ROBO2: variants seen among roughly 807,000 people sequenced by gnomAD.
ROBO2 encodes roundabout guidance receptor 2, also known as roundabout homolog 2.
ROBO2 carries 53 observed loss-of-function variants against 160.8 expected under a neutral mutation model. The observed-to-expected ratio is 0.33, with a 90% CI of 0.26 to 0.41. The LOEUF (loss-of-function observed/expected upper bound fraction) is 0.41. Ranked by LOEUF, ROBO2 falls within the 10% of genes least tolerant of loss-of-function variation. The pLI is 1.00. For synonymous variants in ROBO2, 664 were observed against 611.7 expected (o/e 1.09, Z -1.26); for missense variants, 1,577 against 1,722.4 (o/e 0.92, Z 1.49).
rs1353445298 is a variant in ROBO2, at chr3:76,665,883, T to TAC, written c.110-432130_110-432129insCA. On this transcript the variant is annotated intron_variant, in intron 2 of 26. Transcript: ENST00000487694. The stretch of plus-strand genomic sequence containing the variant: ...CGTGTATGTATATACGTATTATATA[T>TAC]ATAATATATACATATTATATATAAT... Among the ~76,000 whole-genome samples, 41 of 133,368 alleles carry TAC rather than the reference T, an allele frequency of 3.1e-4. 1 individual carries two copies. Among genetic ancestry groups the TAC allele is most frequent in the African/African-American group, 1.0e-3 (39 of 37,664 alleles). 87.5% of individuals were successfully genotyped at this position (133,368 alleles called of 152,430 possible).
At chr3:76,679,048 G>C (rs996757564) in intron 2 of ROBO2, among the ~76,000 whole-genome samples, 2 of 152,158 alleles carry the variant, frequency 1.3e-5, no homozygotes, top group South Asian at 2.1e-4. Context: ...TGACAGATGG[G>C]ACAAGTATGG....
At chr3:75,964,476 A>G (rs1293458738) in intron 2 of ROBO2, among the ~76,000 whole-genome samples, 1 of 151,754 alleles carries the variant, frequency 6.6e-6, no homozygotes, top group Non-Finnish European at 1.5e-5. Context: ...TCCGTAAGAT[A>G]AAATACAATC....
chr3:76,059,926 T>C (rs1191339344), intron 2 of ROBO2, among the ~76,000 whole-genome samples: 1 of 152,224 alleles, frequency 6.6e-6, no homozygotes, highest in African/African-American at 2.4e-5. Flanking sequence ...CCATTTCTTG[T>C]TTTTGTCAGG....
chr3:77,640,097 A>ATTTT lies in ROBO2; in HGVS notation c.3935-4578_3935-4575dup, dbSNP rs71104695. On this transcript the variant is annotated intron_variant, in intron 24 of 25. Coordinates refer to ENST00000461745, the Ensembl canonical transcript of ROBO2. ...AGAGAAGAAACACTGCAGAGGAAGCATTTTTTTTTTTTTTTTTTTTTTTTT... is the reference window on the plus strand; with the variant it reads ...AGAGAAGAAACACTGCAGAGGAAGCATTTTTTTTTTTTTTTTTTTTTTTTTTTTT... Among the ~76,000 whole-genome samples the ATTTT allele has an allele frequency of 9.7e-3, 637 of 65,476 alleles. 84 individuals carry two copies. Among genetic ancestry groups the ATTTT allele is most frequent in the African/African-American group, 0.033 (505 of 15,398 alleles). 43.0% of individuals were successfully genotyped at this position (65,476 alleles called of 152,430 possible).
intron 2 of ROBO2, among the ~76,000 whole-genome samples, chr3:76,944,064 ACTTAGT>A (rs908179825): frequency 1.3e-4 from 20 of 152,190 alleles, no homozygotes; most frequent in Non-Finnish European, 2.5e-4. Context: ...ATGTTTAAAC[ACTTAGT>A]CTTAAAGTTT....
At chr3:77,521,213 A>C (rs2090558343) in intron 5 of ROBO2, among the ~76,000 whole-genome samples, 1 of 151,194 alleles carries the variant, frequency 6.6e-6, no homozygotes, top group Admixed American at 6.6e-5. Flanking sequence ...AAATTTAAGT[A>C]TATTGCCAAC....
At chr3:76,274,169 C>A (rs1707777537) in intron 2 of ROBO2, among the ~76,000 whole-genome samples, 1 of 152,104 alleles carries the variant, frequency 6.6e-6, no homozygotes, top group South Asian at 2.1e-4. Context: ...CCATAGCTAA[C>A]ATTAACATAG....
intron 2 of ROBO2, among the ~76,000 whole-genome samples, chr3:76,117,435 T>C (rs2070520578): frequency 6.6e-6 from 1 of 152,182 alleles, no homozygotes; most frequent in South Asian, 2.1e-4. Flanking sequence ...AGATTGTTTA[T>C]AGTTACTGTT....
chr3:76,525,992 G>C (rs1434071390), intron 2 of ROBO2, among the ~76,000 whole-genome samples: 2 of 151,860 alleles, frequency 1.3e-5, no homozygotes, highest in African/African-American at 4.8e-5. Context: ...TTCTTATTCA[G>C]CAGGCAGTGG....
rs201526041 is a variant in ROBO2, at chr3:76,261,205, T to TGTGTGTGTGTGTG, written c.109+323603_109+323604insGTGTGTGTGTGTG. ...GTGTGTGTGTGTGTGTGTGTGTGTA[T>TGTGTGTGTGTGTG]ATATATATATAAATGACAGCTTCCT... On this transcript the variant is annotated intron_variant, in intron 2 of 26. Transcript: ENST00000487694. Among the ~76,000 whole-genome samples, 397 of 137,344 alleles carry TGTGTGTGTGTGTG rather than the reference T, an allele frequency of 2.9e-3. 28 individuals are homozygous for TGTGTGTGTGTGTG. Among genetic ancestry groups the TGTGTGTGTGTGTG allele is most frequent in the South Asian group, 5.1e-3 (22 of 4,278 alleles). The allele number at this position is 137,344 out of a possible 152,430, so 90.1% of individuals were successfully genotyped here.
intron 2 of ROBO2, among the ~76,000 whole-genome samples, chr3:76,376,185 C>T (rs1343112316): frequency 6.6e-6 from 1 of 152,070 alleles, no homozygotes; most frequent in Non-Finnish European, 1.5e-5. Context: ...AATGAGCCTA[C>T]TTTATTGTTC....
At chr3:75,976,785 A>G (rs1275037155) in intron 2 of ROBO2, among the ~76,000 whole-genome samples, 1 of 151,362 alleles carries the variant, frequency 6.6e-6, no homozygotes, top group Admixed American at 6.6e-5. Context: ...CAAGAAGAAG[A>G]CTCGGAGGAA....
At chr3:77,160,341 T>A (rs986668451) in intron 2 of ROBO2, among the ~76,000 whole-genome samples, 8 of 145,740 alleles carry the variant, frequency 5.5e-5, no homozygotes, top group African/African-American at 1.9e-4. Context: ...GAATGATAAT[T>A]ATTTTATAAA....
chr3:77,248,771 C>T (rs1228256982), intron 2 of ROBO2, among the ~76,000 whole-genome samples: 1 of 107,380 alleles, frequency 9.3e-6, no homozygotes, highest in Non-Finnish European at 2.0e-5. Flanking sequence ...TTCAACATCA[C>T]TTGCTCTTTT....
intron 2 of ROBO2, among the ~76,000 whole-genome samples, chr3:77,234,802 T>A (rs1446520255): frequency 1.3e-5 from 2 of 152,146 alleles, no homozygotes; most frequent in Non-Finnish European, 2.9e-5. Flanking sequence ...ATTCAAATAG[T>A]GTCTGTTTAG....
chr3:76,408,203 T>A (rs1559898527), intron 2 of ROBO2, among the ~76,000 whole-genome samples: 1 of 152,116 alleles, frequency 6.6e-6, no homozygotes, highest in African/African-American at 2.4e-5. Flanking sequence ...AATTCAGACA[T>A]TGATGCCAAT....
At chr3:77,347,764 A>G (rs2067830305) in intron 2 of ROBO2, among the ~76,000 whole-genome samples, 1 of 152,096 alleles carries the variant, frequency 6.6e-6, no homozygotes. Flanking sequence ...TTCCAGAACA[A>G]TCAGCCTTGC....
intron 6 of ROBO2, among the ~76,000 whole-genome samples, chr3:77,545,979 G>C (rs939177314): frequency 1.3e-5 from 2 of 152,072 alleles, no homozygotes; most frequent in South Asian, 2.1e-4. Context: ...TTGAGTAAGA[G>C]AGTGATTCTT....
chr3:75,908,765 T>TA (rs1480249629), intron 1 of ROBO2, among the ~76,000 whole-genome samples: 1 of 152,216 alleles, frequency 6.6e-6, no homozygotes, highest in East Asian at 1.9e-4. Flanking sequence ...TAGATGCTCC[T>TA]AACTTCCAAA....
Sources: allele counts gnomAD v4.1 joint callset (sites outside exome capture counted in the v4.1 genomes callset), GRCh38; gene constraint gnomAD v4.1.1; transcripts MANE v1.5; gene names NCBI Gene and HGNC (gene_info 2026-07-23, HGNC 2026-07-21).